The following OTUD7A variants were observed in gnomAD, a reference collection of about 807,000 sequenced individuals.
OTUD7A encodes OTU domain-containing protein 7A.
Under a neutral mutation model 65.7 loss-of-function variants are expected in OTUD7A, and 12 were observed. The observed-to-expected ratio is 0.18, with a 90% CI of 0.12 to 0.30. The LOEUF (loss-of-function observed/expected upper bound fraction) is 0.30, where lower values mean the gene tolerates loss of function less well. OTUD7A is among the 10% of genes least tolerant of loss of function. The pLI is 1.00. For missense variants in OTUD7A, 1,148 were observed against 1,304.8 expected (o/e 0.88, Z 1.85); for synonymous variants, 641 against 586.3 (o/e 1.09, Z -1.35).
intron 1 of OTUD7A, among the ~76,000 whole-genome samples, chr15:31,712,894 T>C (rs1384389185): frequency 6.6e-6 from 1 of 151,096 alleles, no homozygotes; most frequent in African/African-American, 2.4e-5. Context: ...TCCTTCTTTA[T>C]ATTCTTGATC....
At chr15:31,686,301 G>C (rs1566974608) in intron 1 of OTUD7A, among the ~76,000 whole-genome samples, 1 of 152,200 alleles carries the variant, frequency 6.6e-6, no homozygotes, top group Non-Finnish European at 1.5e-5. Flanking sequence ...CCTCCATTTG[G>C]TTCTCCAGCA....
At chr15:31,785,302 T>C (rs1895644088) in intron 1 of OTUD7A, among the ~76,000 whole-genome samples, 2 of 152,256 alleles carry the variant, frequency 1.3e-5, no homozygotes. Flanking sequence ...TTCAGAATTT[T>C]GGGTAAGCTT....
At chr15:31,579,678 T>C (rs1327897337) in intron 3 of OTUD7A, among the ~76,000 whole-genome samples, 1 of 152,232 alleles carries the variant, frequency 6.6e-6, no homozygotes, top group African/African-American at 2.4e-5. Context: ...TAAGGGGGGC[T>C]ATTGTATGTA....
chr15:31,596,145 T>C (rs911678781), intron 3 of OTUD7A, among the ~76,000 whole-genome samples: 1 of 152,200 alleles, frequency 6.6e-6, no homozygotes, highest in Non-Finnish European at 1.5e-5. Context: ...TTTGGCTGAA[T>C]GTCAGGGAAC....
At chr15:31,598,214 G>C (rs543332420) in intron 3 of OTUD7A, among the ~76,000 whole-genome samples, 16 of 152,326 alleles carry the variant, frequency 1.1e-4, no homozygotes, top group African/African-American at 3.8e-4. Context: ...TTGATGGCAA[G>C]ATGGTTGAAT....
chr15:31,597,922 C>A (rs1451152464), intron 3 of OTUD7A, among the ~76,000 whole-genome samples: 1 of 152,194 alleles, frequency 6.6e-6, no homozygotes, highest in African/African-American at 2.4e-5. Flanking sequence ...TGATGACCGG[C>A]TGTGGGTGTG....
chr15:31,617,155 C>T (rs991265161), intron 3 of OTUD7A, among the ~76,000 whole-genome samples: 5 of 152,056 alleles, frequency 3.3e-5, no homozygotes, highest in African/African-American at 7.2e-5. Flanking sequence ...TAAAGAGAAT[C>T]GATGAAGCCA....
At chr15:31,544,418 G>T (rs1002566570) in intron 5 of OTUD7A, among the ~76,000 whole-genome samples, 4 of 151,616 alleles carry the variant, frequency 2.6e-5, no homozygotes, top group Admixed American at 2.6e-4. Flanking sequence ...GGTATAGAGG[G>T]AAGGGAAAGA....
At chr15:31,634,816 C>T (rs996558947) in intron 3 of OTUD7A, among the ~76,000 whole-genome samples, 6 of 152,180 alleles carry the variant, frequency 3.9e-5, no homozygotes, top group Admixed American at 6.5e-5. Flanking sequence ...GCCCTTTTTT[C>T]CTGAAGGTTT....
chr15:31,750,607 T>C (rs1271860167), intron 1 of OTUD7A, among the ~76,000 whole-genome samples: 4 of 152,034 alleles, frequency 2.6e-5, no homozygotes, highest in African/African-American at 7.2e-5. Context: ...CTTCAAACTA[T>C]ACTACAAGAC....
At chr15:31,646,520 G>C (rs991133534) in intron 3 of OTUD7A, among the ~76,000 whole-genome samples, 2 of 149,870 alleles carry the variant, frequency 1.3e-5, no homozygotes, top group Non-Finnish European at 3.0e-5. Context: ...GAGTACAATG[G>C]TGTGATCTTG....
intron 1 of OTUD7A, among the ~76,000 whole-genome samples, chr15:31,831,795 A>G (rs1595799834): frequency 6.6e-6 from 1 of 152,278 alleles, no homozygotes; most frequent in Non-Finnish European, 1.5e-5. Flanking sequence ...AATGGAATGC[A>G]GACAGTGACG....
chr15:31,569,336 T>C (rs1888974224), intron 4 of OTUD7A, among the ~76,000 whole-genome samples: 1 of 152,246 alleles, frequency 6.6e-6, no homozygotes, highest in Admixed American at 6.5e-5. Flanking sequence ...AGCAGTGATC[T>C]AAAAATTAAC....
intron 3 of OTUD7A, among the ~76,000 whole-genome samples, chr15:31,610,001 G>A (rs549375466): frequency 2.6e-5 from 4 of 151,474 alleles, no homozygotes; most frequent in African/African-American, 9.7e-5. Context: ...TCACAGGAAA[G>A]GGGGAGAATA....
At chr15:31,768,007 A>G in intron 1 of OTUD7A, 5 of 1,596,704 alleles carry the variant, frequency 3.1e-6, no homozygotes, top group Non-Finnish European at 4.3e-6. Context: ...TTGTAACTTC[A>G]GGACCAAAAT....
In OTUD7A at chr15:31,674,858, A is replaced by C. The variant is rs35302623; in HGVS notation, c.-99-17781T>G. Among the ~76,000 whole-genome samples, 4 of 152,210 alleles carry C rather than the reference A, an allele frequency of 2.6e-5. No homozygotes were observed. In the South Asian group the frequency reaches 8.3e-4, roughly 32 times the overall value. ...CCACCATTCTGGGAGTACAAAACATAATGCAAGAGGACAAAACCCAAGAAA... is the reference window on the plus strand; with the variant it reads ...CCACCATTCTGGGAGTACAAAACATCATGCAAGAGGACAAAACCCAAGAAA... On this transcript the variant is annotated intron_variant, in intron 1 of 12. Coordinates refer to ENST00000307050, the MANE Select transcript of OTUD7A (RefSeq NM_001382637.1).
chr15:31,660,164 T>C (rs1892120532), intron 1 of OTUD7A, among the ~76,000 whole-genome samples: 1 of 152,256 alleles, frequency 6.6e-6, no homozygotes, highest in Non-Finnish European at 1.5e-5. Context: ...AGGGGGTGAA[T>C]GGTTAAATAT....
At chr15:31,869,730 C>T (rs1341740757) in intron 1 of OTUD7A, among the ~76,000 whole-genome samples, 1 of 152,182 alleles carries the variant, frequency 6.6e-6, no homozygotes, top group Non-Finnish European at 1.5e-5. Flanking sequence ...CATTTTATTA[C>T]AGAGATTCTC....
intron 1 of OTUD7A, among the ~76,000 whole-genome samples, chr15:31,664,155 TATA>T (rs1432097600): frequency 6.6e-6 from 1 of 152,232 alleles, no homozygotes; most frequent in African/African-American, 2.4e-5. Flanking sequence ...ATCTTCTTCG[TATA>T]ATGATTTCTT....
Sources: allele counts gnomAD v4.1 joint callset (sites outside exome capture counted in the v4.1 genomes callset), GRCh38; gene constraint gnomAD v4.1.1; transcripts MANE v1.5; gene names NCBI Gene and HGNC (gene_info 2026-07-23, HGNC 2026-07-21).